Variants in CNTNAP5 observed in about 807,000 individuals in gnomAD.
The protein encoded by CNTNAP5 is contactin associated protein family member 5.
A neutral mutation model predicts 150.2 loss-of-function variants in CNTNAP5; 72 were observed. The ratio of observed to expected loss-of-function variants is 0.48; its 90% CI spans 0.40 to 0.58. The LOEUF is 0.58. Ranked by LOEUF, CNTNAP5 falls within the 20% of genes least tolerant of loss-of-function variation. The probability of loss-of-function intolerance (pLI) is 0.00; values close to 1 mark genes in which losing one functional copy is unlikely to be tolerated. For synonymous variants in CNTNAP5, 672 were observed against 619.8 expected (o/e 1.08, Z -1.25); for missense variants, 1,636 against 1,626.2 (o/e 1.01, Z -0.10).
intron 16 of CNTNAP5, 40 bp from the exon 17 acceptor site, chr2:124,772,756 TAAC>T (rs1027144886): frequency 6.6e-7 from 1 of 1,517,580 alleles, no homozygotes; most frequent in Non-Finnish European, 9.2e-7. Context: ...TTGAATGAGC[TAAC>T]AACTCCCTCT....
intron 17 of CNTNAP5, among the ~76,000 whole-genome samples, chr2:124,775,525 A>G (rs1198512796): frequency 6.6e-6 from 1 of 152,190 alleles, no homozygotes; most frequent in African/African-American, 2.4e-5. Flanking sequence ...AATCACTGAC[A>G]CAGCTGCCGT....
chr2:124,382,756 AT>A (rs1241471086), intron 3 of CNTNAP5, among the ~76,000 whole-genome samples: 1 of 152,184 alleles, frequency 6.6e-6, no homozygotes, highest in Non-Finnish European at 1.5e-5. Flanking sequence ...TCCTGCCGTT[AT>A]TCTTATCCAC....
At chr2:124,515,420 A>T (rs963675632) in intron 8 of CNTNAP5, among the ~76,000 whole-genome samples, 2 of 152,226 alleles carry the variant, frequency 1.3e-5, no homozygotes, top group African/African-American at 4.8e-5. Context: ...AAACAAATAG[A>T]TCAGACAGTG....
intron 13 of CNTNAP5, among the ~76,000 whole-genome samples, chr2:124,653,226 A>G (rs1171091402): frequency 6.6e-6 from 1 of 152,136 alleles, no homozygotes; most frequent in Non-Finnish European, 1.5e-5. Context: ...GTTACAATGG[A>G]ATTTAAAGGG....
At chr2:124,794,307 G>A (rs548689170) in intron 18 of CNTNAP5, among the ~76,000 whole-genome samples, 4 of 152,262 alleles carry the variant, frequency 2.6e-5, no homozygotes, top group South Asian at 2.1e-4. Context: ...TCAAGATTCC[G>A]TGGTTTCCTC....
intron 13 of CNTNAP5, among the ~76,000 whole-genome samples, chr2:124,702,663 G>A (rs1679547619): frequency 6.6e-6 from 1 of 152,032 alleles, no homozygotes; most frequent in South Asian, 2.1e-4. Context: ...TGCATGCCAA[G>A]CAGTGTCTGC....
chr2:124,869,939 G>T (rs141584709), intron 21 of CNTNAP5, among the ~76,000 whole-genome samples, 177 bp downstream of exon 21: 1 of 152,154 alleles, frequency 6.6e-6, no homozygotes, highest in Non-Finnish European at 1.5e-5. Flanking sequence ...GCAGAAATAG[G>T]CAATGCATTT....
At chr2:124,401,821 A>G (rs997113874) in intron 3 of CNTNAP5, among the ~76,000 whole-genome samples, 4 of 152,212 alleles carry the variant, frequency 2.6e-5, no homozygotes, top group Non-Finnish European at 4.4e-5. Context: ...CAGTAGCTCC[A>G]TGGTCATGGG....
At chr2:124,445,595 C>T (rs1692792765) in intron 5 of CNTNAP5, among the ~76,000 whole-genome samples, 1 of 152,128 alleles carries the variant, frequency 6.6e-6, no homozygotes, top group Non-Finnish European at 1.5e-5. Flanking sequence ...CTATATGAAG[C>T]AACCAAGTTA....
intron 3 of CNTNAP5, among the ~76,000 whole-genome samples, chr2:124,356,801 T>C (rs924627450): frequency 6.6e-6 from 1 of 151,584 alleles, no homozygotes; most frequent in African/African-American, 2.4e-5. Context: ...GCATGATTTA[T>C]AGTCCTTTGG....
chr2:124,060,064 A>T (rs1681964123), intron 1 of CNTNAP5, among the ~76,000 whole-genome samples: 2 of 152,138 alleles, frequency 1.3e-5, no homozygotes, highest in South Asian at 4.1e-4. Context: ...GGTGTCCATA[A>T]CCTCTAAGGC....
chr2:124,125,985 A>G (rs968063087), intron 1 of CNTNAP5, among the ~76,000 whole-genome samples: 8 of 152,190 alleles, frequency 5.3e-5, no homozygotes, highest in African/African-American at 1.7e-4. Context: ...TTGACACCCT[A>G]ACATCACAAT....
intron 2 of CNTNAP5, among the ~76,000 whole-genome samples, chr2:124,224,298 C>T (rs542030951): frequency 6.6e-6 from 1 of 152,130 alleles, no homozygotes; most frequent in East Asian, 1.9e-4. Flanking sequence ...ACACAGTTGG[C>T]ACAAATAGGC....
intron 13 of CNTNAP5, among the ~76,000 whole-genome samples, chr2:124,679,115 G>A (rs529945448): frequency 6.6e-6 from 1 of 151,962 alleles, no homozygotes; most frequent in Non-Finnish European, 1.5e-5. Context: ...AGTCACAGAA[G>A]ACAGGCAGGC....
At chr2:124,163,154 C>G (rs1464821344) in intron 1 of CNTNAP5, among the ~76,000 whole-genome samples, 1 of 152,050 alleles carries the variant, frequency 6.6e-6, no homozygotes, top group African/African-American at 2.4e-5. Flanking sequence ...TTTCATTTCG[C>G]AATGGTGGAA....
intron 13 of CNTNAP5, among the ~76,000 whole-genome samples, chr2:124,660,994 G>T (rs1039913977): frequency 6.6e-6 from 1 of 151,488 alleles, no homozygotes; most frequent in Non-Finnish European, 1.5e-5. Context: ...GCTGTGTAGG[G>T]CACTTACCAT....
At chr2:124,792,948 T>A (rs1681767800) in intron 18 of CNTNAP5, among the ~76,000 whole-genome samples, 1 of 152,240 alleles carries the variant, frequency 6.6e-6, no homozygotes, top group African/African-American at 2.4e-5. Flanking sequence ...AGTTAATGGA[T>A]GTTGGGATGG....
chr2:124,654,620 C>A (rs1678401616), intron 13 of CNTNAP5, among the ~76,000 whole-genome samples: 1 of 152,144 alleles, frequency 6.6e-6, no homozygotes, highest in Non-Finnish European at 1.5e-5. Flanking sequence ...TGCTGCGGCC[C>A]ACTTTCACCA....
chr2:124,885,493 A>G (rs1678060114), intron 21 of CNTNAP5, among the ~76,000 whole-genome samples: 1 of 151,732 alleles, frequency 6.6e-6, no homozygotes, highest in Admixed American at 6.6e-5. Context: ...AGAGGCATTT[A>G]GTATATCCAC....
Sources: gnomAD v4.1 joint callset for allele counts (sites outside exome capture counted in the v4.1 genomes callset) on GRCh38, gnomAD v4.1.1 for gene constraint, MANE v1.5 for transcripts, NCBI Gene and HGNC (gene_info 2026-07-23, HGNC 2026-07-21) for gene names.